The following C10orf67 variants were observed in gnomAD, a reference collection of about 807,000 sequenced individuals.
The protein encoded by C10orf67 is uncharacterized protein C10orf67, mitochondrial.
C10orf67 carries 60 observed loss-of-function variants against 35.6 expected under a neutral mutation model. The ratio of observed to expected loss-of-function variants is 1.68; its 90% confidence interval spans 1.37 to 2.09. C10orf67 has a LOEUF of 2.09. Among genes scored for constraint, C10orf67 ranks in the 30% most tolerant of loss-of-function variants. The pLI is 0.00. For missense variants in C10orf67, 474 were observed against 330.2 expected, an observed-to-expected ratio of 1.44 and a Z score of -3.38; for synonymous variants, 167 against 115.8, an observed-to-expected ratio of 1.44 and a Z score of -2.84.
chr10:23,274,979 G>A (rs1159898398), intron 8 of C10orf67, among the ~76,000 whole-genome samples: 1 of 152,088 alleles, frequency 6.6e-6, no homozygotes, highest in African/African-American at 2.4e-5. Context: ...AGCTTCAGCC[G>A]GTCCCTCTGT....
intron 7 of C10orf67, among the ~76,000 whole-genome samples, chr10:23,282,945 G>T (rs1843411320): frequency 6.6e-6 from 1 of 150,504 alleles, no homozygotes; most frequent in Non-Finnish European, 1.5e-5. Flanking sequence ...GGGTAATAGG[G>T]TTAATGGTAC....
intron 7 of C10orf67, among the ~76,000 whole-genome samples, chr10:23,282,583 C>A (rs1282957180): frequency 1.3e-5 from 2 of 152,010 alleles, no homozygotes; most frequent in South Asian, 4.1e-4. Context: ...GTAGTCCCAG[C>A]ACTTTGGAAG....
chr10:23,264,341 A>G (rs1005080167), intron 10 of C10orf67, among the ~76,000 whole-genome samples: 1 of 152,180 alleles, frequency 6.6e-6, no homozygotes. Flanking sequence ...AATTGAGCCA[A>G]TTCATAGAAA....
rs117471206 is a variant in C10orf67 at position 23,207,784 on chromosome 10, T to G, written c.1571-3529A>C. On this transcript the variant is annotated intron_variant, in intron 15 of 15. Transcript: ENST00000636213. ...CTGTATCTAATTTTTAAAGAAAAAT[T>G]TACTTTCCTTTCACTCTTCTGAGGC... Among the ~76,000 whole-genome samples the G allele has an allele frequency of 3.0e-3, 462 of 152,306 alleles. 11 individuals carry two copies. In the East Asian group the frequency reaches 0.049, roughly 16 times the overall value.
At chr10:23,338,132 G>A (rs764628715) in intron 1 of C10orf67, among the ~76,000 whole-genome samples, 3 of 152,254 alleles carry the variant, frequency 2.0e-5, no homozygotes, top group East Asian at 1.9e-4. Flanking sequence ...GTGTTTGTGC[G>A]GCATCTGAAT....
chr10:23,340,000 C>T (rs1054900545), intron 1 of C10orf67, among the ~76,000 whole-genome samples: 2 of 152,142 alleles, frequency 1.3e-5, no homozygotes, highest in South Asian at 2.1e-4. Flanking sequence ...CAGTGCTAAG[C>T]GGCTCCTTTT....
At chr10:23,325,393 T>C (rs1845146691) in intron 2 of C10orf67, among the ~76,000 whole-genome samples, 1 of 151,078 alleles carries the variant, frequency 6.6e-6, no homozygotes, top group African/African-American at 2.4e-5. Flanking sequence ...AACCTCTGGC[T>C]CATCCCTGAG....
intron 8 of C10orf67, among the ~76,000 whole-genome samples, chr10:23,277,141 T>C (rs1843214294): frequency 6.6e-6 from 1 of 152,192 alleles, no homozygotes; most frequent in Non-Finnish European, 1.5e-5. Flanking sequence ...ATTCTCATGG[T>C]CTCACAAGTG....
At chr10:23,280,568 T>C (rs1843339358) in intron 8 of C10orf67, among the ~76,000 whole-genome samples, 1 of 152,146 alleles carries the variant, frequency 6.6e-6, no homozygotes, top group African/African-American at 2.4e-5. Context: ...CTCCCTCTAT[T>C]GAAATCATGA....
chr10:23,318,677 CAG>C, intron 4 of C10orf67: 1 of 515,476 alleles, frequency 1.9e-6, no homozygotes, highest in Non-Finnish European at 3.5e-6. Context: ...CACAGAGTCA[CAG>C]AGATCGTTAG....
At chr10:23,301,495 T>A (rs1376360416) in intron 5 of C10orf67, among the ~76,000 whole-genome samples, 3 of 152,188 alleles carry the variant, frequency 2.0e-5, no homozygotes, top group Non-Finnish European at 4.4e-5. Flanking sequence ...ATATTACTCA[T>A]CGCTTTGGAG....
chr10:23,333,793 T>G (rs1198923910), intron 1 of C10orf67, among the ~76,000 whole-genome samples: 1 of 152,108 alleles, frequency 6.6e-6, no homozygotes, highest in Non-Finnish European at 1.5e-5. Flanking sequence ...ACTCTTCTCA[T>G]GAAAGTTTTT....
intron 10 of C10orf67, among the ~76,000 whole-genome samples, chr10:23,257,371 A>T (rs1842629727): frequency 6.6e-6 from 1 of 152,206 alleles, no homozygotes; most frequent in Non-Finnish European, 1.5e-5. Context: ...CTACTGAGGC[A>T]TGGATAAGAG....
intron 10 of C10orf67, among the ~76,000 whole-genome samples, chr10:23,257,980 A>G (rs1055192686): frequency 6.6e-6 from 1 of 152,166 alleles, no homozygotes; most frequent in Admixed American, 6.5e-5. Flanking sequence ...CATAAGAGAC[A>G]GGTTATTTCA....
chr10:23,218,703 A>C (rs1841499610), intron 15 of C10orf67, among the ~76,000 whole-genome samples: 1 of 152,188 alleles, frequency 6.6e-6, no homozygotes, highest in Admixed American at 6.5e-5. Context: ...CCCGTAATAC[A>C]TTATATTTAA....
At chr10:23,211,661 C>T (rs547812376) in intron 15 of C10orf67, among the ~76,000 whole-genome samples, 1 of 152,228 alleles carries the variant, frequency 6.6e-6, no homozygotes, top group South Asian at 2.1e-4. Flanking sequence ...TGTGGGATAA[C>T]AATAACTGCA....
intron 4 of C10orf67, among the ~76,000 whole-genome samples, chr10:23,304,294 C>T (rs1844192829): frequency 6.6e-6 from 1 of 152,162 alleles, no homozygotes; most frequent in African/African-American, 2.4e-5. Flanking sequence ...GTCTTGCCCA[C>T]CCAGGGGCTT....
At chr10:23,236,600 G>T (rs143800393) in intron 13 of C10orf67, among the ~76,000 whole-genome samples, 1 of 152,066 alleles carries the variant, frequency 6.6e-6, no homozygotes, top group Non-Finnish European at 1.5e-5. Context: ...AACTTTGGCC[G>T]GGCGTGGTGG....
At chr10:23,216,353 C>A (rs1417145981) in intron 15 of C10orf67, among the ~76,000 whole-genome samples, 1 of 152,108 alleles carries the variant, frequency 6.6e-6, no homozygotes, top group African/African-American at 2.4e-5. Flanking sequence ...AAAAATATGG[C>A]AACTCCAAGT....
Sources: allele counts gnomAD v4.1 joint callset (sites outside exome capture counted in the v4.1 genomes callset), GRCh38; gene constraint gnomAD v4.1.1; transcripts MANE v1.5; gene names NCBI Gene and HGNC (gene_info 2026-07-23, HGNC 2026-07-21).